The following PTP4A2 variants were observed in gnomAD, a reference collection of about 807,000 sequenced individuals.
PTP4A2 encodes protein tyrosine phosphatase type IVA 2.
A neutral mutation model predicts 22.9 loss-of-function variants in PTP4A2; 2 were observed. The observed-to-expected ratio is 0.09, with a 90% CI of 0.04 to 0.27. The LOEUF (loss-of-function observed/expected upper bound fraction) is 0.27, where lower values mean the gene tolerates loss of function less well. Among genes scored for constraint, PTP4A2 ranks in the 10% least tolerant of loss-of-function variants. The pLI is 1.00. For missense variants in PTP4A2, 103 were observed against 205.1 expected, an observed-to-expected ratio of 0.50 and a Z score of 3.04; for synonymous variants, 68 against 69.1, an observed-to-expected ratio of 0.98 and a Z score of 0.08.
chr1:31,907,786 A>C lies in PTP4A2; in HGVS notation c.*1066T>G, dbSNP rs1426553483. 6.6e-6 allele frequency: 1 copy of C among 152,052 alleles called. No homozygotes were observed. The highest frequency in any genetic ancestry group is 2.4e-5 in the African/African-American group (1 of 41,414). The allele number at this position is 152,052 out of a possible 1,614,324, so 9.4% of individuals were successfully genotyped here. The stretch of plus-strand genomic sequence containing the variant: ...ACCAGCATTCTCTGATACTAGACAG[A>C]AAATCAGAGTAACGCTACAGCCCAC... On this transcript the variant is annotated 3_prime_UTR_variant, in exon 6 of 6. Transcript: ENST00000647444.
At chr1:31,932,042 G>A (rs1652747631) in intron 1 of PTP4A2, among the ~76,000 whole-genome samples, 2 of 152,124 alleles carry the variant, frequency 1.3e-5, no homozygotes, top group Admixed American at 1.3e-4. Flanking sequence ...AAAATAAAAA[G>A]TTGGTCAAAT....
In PTP4A2 at chr1:31,915,990, TTA is replaced by T; in HGVS notation, c.97-5_97-4del. ...GTCACTCCATACTTCTTAAGTTCCT[TTA>T]AAAAAAAAAAAAATTATAATGGAAC... On this transcript the variant is annotated splice_polypyrimidine_tract_variant and splice_region_variant and intron_variant, in intron 2 of 5. Transcript: ENST00000647444. 3 of 1,544,606 alleles carry T rather than the reference TTA, an allele frequency of 1.9e-6. No individual in the cohort carries two copies. The highest frequency in any genetic ancestry group is 2.1e-5 in the Admixed American group (1 of 47,122).
At chr1:31,916,075 G>A in intron 2 of PTP4A2, 88 bp from the exon 3 acceptor site, 1 of 861,198 alleles carries the variant, frequency 1.2e-6, no homozygotes, top group Admixed American at 2.9e-5. Context: ...GCCGGGCGGG[G>A]TGGTTCACGC....
At chr1:31,923,092 T>C (rs1396335013) in intron 1 of PTP4A2, among the ~76,000 whole-genome samples, 3 of 151,458 alleles carry the variant, frequency 2.0e-5, no homozygotes, top group Admixed American at 6.6e-5. Context: ...TTTGTATTTT[T>C]AGTAGAGACA....
At chr1:31,930,624 A>G (rs528034413) in intron 1 of PTP4A2, among the ~76,000 whole-genome samples, 2 of 152,188 alleles carry the variant, frequency 1.3e-5, no homozygotes, top group Non-Finnish European at 2.9e-5. Context: ...GTTACACTTC[A>G]CTTCCTCTCC....
intron 1 of PTP4A2, among the ~76,000 whole-genome samples, chr1:31,924,786 T>C (rs1652370119): frequency 6.6e-6 from 1 of 152,218 alleles, no homozygotes; most frequent in Non-Finnish European, 1.5e-5. Context: ...ATATTTCCAT[T>C]TCCTAGGCAA....
intron 3 of PTP4A2, among the ~76,000 whole-genome samples, chr1:31,912,703 GA>G (rs1225948082): frequency 6.6e-6 from 1 of 152,160 alleles, no homozygotes; most frequent in Non-Finnish European, 1.5e-5. Context: ...TTCAAAGATA[GA>G]AATGCAAAAA....
intron 1 of PTP4A2, among the ~76,000 whole-genome samples, chr1:31,936,097 T>C (rs927073917): frequency 6.6e-6 from 1 of 151,380 alleles, no homozygotes; most frequent in African/African-American, 2.4e-5. Flanking sequence ...CCGAAAAATA[T>C]AATTTCTAAC....
chr1:31,926,458 A>C (rs960178170), intron 1 of PTP4A2, among the ~76,000 whole-genome samples: 5 of 152,184 alleles, frequency 3.3e-5, no homozygotes, highest in Admixed American at 6.5e-5. Flanking sequence ...TGGTTTCAAC[A>C]ATCAGTCAAC....
At position 31,919,979 on chromosome 1, in the gene PTP4A2, A is replaced by G. The variant is rs571515312; in HGVS notation, c.-593-321T>C. The stretch of plus-strand genomic sequence containing the variant: ...CCGTCGCTACTAAAAATACACAATT[A>G]GCCAGGTGTGGTGGTGCATGCCTGT... On this transcript the variant is annotated intron_variant, in intron 1 of 5. Coordinates refer to ENST00000647444, the MANE Select transcript of PTP4A2 (RefSeq NM_080391.4). 3.3e-5 allele frequency among the ~76,000 whole-genome samples: 5 copies of G among 150,284 alleles called. No individual in the cohort carries two copies. The South Asian group carries it at 1.1e-3, about 32-fold the overall frequency.
chr1:31,925,989 C>T (rs1445018809), intron 1 of PTP4A2, among the ~76,000 whole-genome samples: 3 of 150,528 alleles, frequency 2.0e-5, no homozygotes, highest in Non-Finnish European at 4.4e-5. Flanking sequence ...ATTAGCTGGG[C>T]GTGGCGGCGC....
In PTP4A2 at chr1:31,908,173, TA is replaced by T. The variant is rs1284083412; in HGVS notation, c.*678del. 1 of 20,192 alleles carries T rather than the reference TA, an allele frequency of 5.0e-5. No homozygotes were observed. The highest frequency in any genetic ancestry group is 2.3e-4 in the African/African-American group (1 of 4,406). The allele number at this position is 20,192 out of a possible 1,614,324, so 1.3% of individuals were successfully genotyped here. ...ATATATATATATATATATATATATA[TA>T]TATATATATATATATATATATATAT... is the stretch of plus-strand genomic sequence containing the variant. On this transcript the variant is annotated 3_prime_UTR_variant, in exon 6 of 6. Coordinates refer to ENST00000647444, the MANE Select transcript of PTP4A2 (RefSeq NM_080391.4).
chr1:31,910,323 C>T (rs943101273), intron 4 of PTP4A2: 6 of 459,740 alleles, frequency 1.3e-5, no homozygotes, highest in Non-Finnish European at 2.4e-5. Context: ...GGGTCTCGCT[C>T]TATCACCCAG....
intron 1 of PTP4A2, among the ~76,000 whole-genome samples, chr1:31,924,777 T>A (rs942441280): frequency 3.6e-4 from 55 of 152,230 alleles, no homozygotes; most frequent in African/African-American, 1.2e-3. Flanking sequence ...GAATTTGGGA[T>A]ATTTCCATTT....
At chr1:31,924,828 C>G (rs898186742) in intron 1 of PTP4A2, among the ~76,000 whole-genome samples, 2 of 151,680 alleles carry the variant, frequency 1.3e-5, no homozygotes, top group Non-Finnish European at 2.9e-5. Context: ...AATACAACTT[C>G]AATGAAGGAT....
At chr1:31,914,577 A>T (rs1212878274) in intron 3 of PTP4A2, 1 of 183,238 alleles carries the variant, frequency 5.5e-6, no homozygotes, top group East Asian at 1.8e-4. Flanking sequence ...TTAAACCAGT[A>T]TCTTCCTTGT....
chr1:31,921,096 T>G (rs1652132385), intron 1 of PTP4A2, among the ~76,000 whole-genome samples: 1 of 152,236 alleles, frequency 6.6e-6, no homozygotes, highest in African/African-American at 2.4e-5. Flanking sequence ...TATATGATAC[T>G]GTAATGTTTC....
intron 1 of PTP4A2, among the ~76,000 whole-genome samples, chr1:31,936,606 C>G (rs1282493450): frequency 6.6e-6 from 1 of 152,068 alleles, no homozygotes; most frequent in Non-Finnish European, 1.5e-5. Flanking sequence ...TTCAAGAATC[C>G]CTACTTTTAC....
chr1:31,912,837 T>C (rs770497456), intron 3 of PTP4A2: 14 of 248,292 alleles, frequency 5.6e-5, no homozygotes, highest in Non-Finnish European at 1.2e-4. Flanking sequence ...CTGCATTCAT[T>C]ATTGGCACCA....
Sources: allele counts gnomAD v4.1 joint callset (sites outside exome capture counted in the v4.1 genomes callset), GRCh38; gene constraint gnomAD v4.1.1; transcripts MANE v1.5; gene names NCBI Gene and HGNC (gene_info 2026-07-23, HGNC 2026-07-21).